The following SIAH3 variants were observed in gnomAD, a reference collection of about 807,000 sequenced individuals.
SIAH3 encodes the protein siah E3 ubiquitin protein ligase family member 3, also known as seven in absentia homolog 3.
Under a neutral mutation model 12.6 loss-of-function variants are expected in SIAH3, and 9 were observed. That is an observed-to-expected ratio of 0.72 (90% CI 0.43 to 1.25). The LOEUF (loss-of-function observed/expected upper bound fraction) is 1.25. Ranked by LOEUF, SIAH3 falls within the 50% of genes most tolerant of loss-of-function variation. The pLI is 0.00. For synonymous variants in SIAH3, 154 were observed against 151.1 expected (o/e 1.02, Z -0.14); for missense variants, 390 against 365.4 (o/e 1.07, Z -0.55).
Position 45,783,337 on chromosome 13 carries a change from G to T in SIAH3, c.*46C>A. 1 of 1,546,770 alleles carries T rather than the reference G, an allele frequency of 6.5e-7. No homozygotes were observed. The highest frequency in any genetic ancestry group is 8.8e-7 in the Non-Finnish European group (1 of 1,135,070). ...GAGTCCTGGTATTGGGAGGTCCCAG[G>T]CGTTTCCTAGGGAGGCTGTGTGGGG... is the stretch of plus-strand genomic sequence containing the variant. On this transcript the variant is annotated 3_prime_UTR_variant, in exon 2 of 2. Transcript: ENST00000400405.
Position 45,778,087 on chromosome 13 carries a change from T to C in SIAH3, c.*5296A>G, listed in dbSNP as rs1950490620. 1 of 152,234 alleles carries C rather than the reference T, an allele frequency of 6.6e-6. No individual in the cohort carries two copies. The highest frequency in any genetic ancestry group is 2.4e-5 in the African/African-American group (1 of 41,458). 9.4% of individuals were successfully genotyped at this position (152,234 alleles called of 1,614,324 possible). On this transcript the variant is annotated 3_prime_UTR_variant, in exon 2 of 2. Coordinates refer to ENST00000400405, the MANE Select transcript of SIAH3 (RefSeq NM_198849.3). ...GTAAGGCCCGGGGCCCTGTTCTTCA[T>C]GTGACATTCCTTGGCTCATTATGTT... is the stretch of plus-strand genomic sequence containing the variant.
At chr13:45,808,745 C>T (rs1259478138) in intron 1 of SIAH3, among the ~76,000 whole-genome samples, 1 of 152,126 alleles carries the variant, frequency 6.6e-6, no homozygotes, top group Non-Finnish European at 1.5e-5. Flanking sequence ...TCATAGGCCC[C>T]CCAAAACTTG....
intron 1 of SIAH3, among the ~76,000 whole-genome samples, chr13:45,797,134 G>A (rs1355209151): frequency 7.3e-6 from 1 of 136,904 alleles, no homozygotes; most frequent in South Asian, 2.3e-4. Context: ...AATTCAAATC[G>A]TCTCTATGCA....
rs1950497774 is a variant in SIAH3 at position 45,780,009 on chromosome 13, A to C, written c.*3374T>G. 1 of 152,144 alleles carries C rather than the reference A, an allele frequency of 6.6e-6. No individual in the cohort carries two copies. The highest frequency in any genetic ancestry group is 1.5e-5 in the Non-Finnish European group (1 of 68,014). 9.4% of individuals were successfully genotyped at this position (152,144 alleles called of 1,614,324 possible). On this transcript the variant is annotated 3_prime_UTR_variant, in exon 2 of 2. Transcript: ENST00000400405. ...GATGCCTGAAGTTCAGATACTGGTAACTCATTTTTCACTGTTAAGTGCGCT... is the reference window on the plus strand; with the variant it reads ...GATGCCTGAAGTTCAGATACTGGTACCTCATTTTTCACTGTTAAGTGCGCT...
chr13:45,838,374 G>A (rs530278272), intron 1 of SIAH3, among the ~76,000 whole-genome samples: 1 of 152,290 alleles, frequency 6.6e-6, no homozygotes, highest in South Asian at 2.1e-4. Flanking sequence ...TAAGCACGCT[G>A]AGAAGGGTCC....
chr13:45,828,331 T>C (rs1176105074), intron 1 of SIAH3, among the ~76,000 whole-genome samples: 2 of 152,290 alleles, frequency 1.3e-5, no homozygotes, highest in East Asian at 3.9e-4. Flanking sequence ...CTAAACTCTT[T>C]GAGGGGCATG....
intron 1 of SIAH3, among the ~76,000 whole-genome samples, chr13:45,824,889 C>CA (rs147575546): frequency 0.26 from 39,103 of 149,164 alleles, 5,912 homozygotes; most frequent in Admixed American, 0.4. Context: ...AAAAAAAAAA[C>CA]AAAAAAAACA....
intron 1 of SIAH3, among the ~76,000 whole-genome samples, chr13:45,831,438 T>C (rs1454130774): frequency 6.6e-6 from 1 of 152,142 alleles, no homozygotes; most frequent in Non-Finnish European, 1.5e-5. Context: ...ACTCTGGCAC[T>C]GATATGGAGT....
chr13:45,817,994 T>A (rs1176312544), intron 1 of SIAH3, among the ~76,000 whole-genome samples: 2 of 152,218 alleles, frequency 1.3e-5, no homozygotes, highest in African/African-American at 4.8e-5. Context: ...TTGTATTCAC[T>A]GATGCCTTCC....
chr13:45,808,074 C>T (rs564508122), intron 1 of SIAH3, among the ~76,000 whole-genome samples: 5 of 152,110 alleles, frequency 3.3e-5, no homozygotes, highest in South Asian at 2.1e-4. Flanking sequence ...ACTTCATGTG[C>T]GGTGATGTTG....
chr13:45,851,157 A>T (rs1412518527), intron 1 of SIAH3, among the ~76,000 whole-genome samples: 2 of 151,910 alleles, frequency 1.3e-5, no homozygotes, highest in Non-Finnish European at 2.9e-5. Context: ...CTTGCCCACA[A>T]ATAGTAGGGG....
chr13:45,796,340 G>A (rs556977865), intron 1 of SIAH3, among the ~76,000 whole-genome samples: 1 of 152,272 alleles, frequency 6.6e-6, no homozygotes, highest in South Asian at 2.1e-4. Flanking sequence ...TCATGGGCGG[G>A]GGGGAGGCGC....
At chr13:45,826,361 A>ATGAGTGGGTGGG (rs1950674939) in intron 1 of SIAH3, among the ~76,000 whole-genome samples, 1 of 3,016 alleles carries the variant, frequency 3.3e-4, no homozygotes, top group Non-Finnish European at 6.8e-4. Flanking sequence ...GGGTGGATGG[A>ATGAGTGGGTGGG]TGGATGGATG....
chr13:45,817,872 T>C (rs1950639942), intron 1 of SIAH3, among the ~76,000 whole-genome samples: 1 of 152,220 alleles, frequency 6.6e-6, no homozygotes, highest in Non-Finnish European at 1.5e-5. Flanking sequence ...GCCCTGAATC[T>C]ATCCTCTTAC....
chr13:45,817,318 G>T (rs1275512368), intron 1 of SIAH3, among the ~76,000 whole-genome samples: 3 of 152,218 alleles, frequency 2.0e-5, no homozygotes, highest in Admixed American at 2.0e-4. Context: ...AACCTAGGAG[G>T]AATAGGCTAT....
chr13:45,814,099 C>A (rs1003498682), intron 1 of SIAH3, among the ~76,000 whole-genome samples: 1 of 151,794 alleles, frequency 6.6e-6, no homozygotes, highest in East Asian at 1.9e-4. Flanking sequence ...ATTAGCCGGG[C>A]GTGGTGGCGG....
intron 1 of SIAH3, among the ~76,000 whole-genome samples, chr13:45,838,666 C>G (rs1434397893): frequency 6.6e-6 from 1 of 152,106 alleles, no homozygotes; most frequent in Non-Finnish European, 1.5e-5. Flanking sequence ...CCTTTTCATT[C>G]CTTCCATTCC....
chr13:45,817,909 G>A (rs1238562201), intron 1 of SIAH3, among the ~76,000 whole-genome samples: 1 of 152,178 alleles, frequency 6.6e-6, no homozygotes, highest in Non-Finnish European at 1.5e-5. Flanking sequence ...GCTGTCTATT[G>A]TATGTGTGAG....
intron 1 of SIAH3, among the ~76,000 whole-genome samples, chr13:45,805,259 G>A (rs1348854563): frequency 1.1e-4 from 17 of 151,854 alleles, no homozygotes; most frequent in South Asian, 2.1e-4. Flanking sequence ...AAAAAAGAGT[G>A]CGAATAGCCA....
Sources: gnomAD v4.1 joint callset for allele counts (sites outside exome capture counted in the v4.1 genomes callset) on GRCh38, gnomAD v4.1.1 for gene constraint, MANE v1.5 for transcripts, NCBI Gene and HGNC (gene_info 2026-07-23, HGNC 2026-07-21) for gene names.